The following BMAL2 variants were observed in gnomAD, a reference collection of about 807,000 sequenced individuals.
BMAL2 encodes the protein basic helix-loop-helix ARNT-like protein 2.
chr12:27,413,153 G>A, the BMAL2 span, among the ~76,000 whole-genome samples: 113 of 152,198 alleles, frequency 7.4e-4, no homozygotes, highest in African/African-American at 2.7e-3. Flanking sequence ...AATTCTTCAC[G>A]TTAAACTGAA....
chr12:27,346,347 G>A, the BMAL2 span, among the ~76,000 whole-genome samples: 14 of 152,148 alleles, frequency 9.2e-5, no homozygotes, highest in African/African-American at 3.4e-4. Flanking sequence ...TGCACCCTCT[G>A]CCTCCCAGGT....
the BMAL2 span, among the ~76,000 whole-genome samples, chr12:27,392,464 C>A: frequency 1.4e-5 from 2 of 147,616 alleles, no homozygotes; most frequent in Non-Finnish European, 3.0e-5. Context: ...ACCATAGCGA[C>A]CAGCTAGGAA....
At chr12:27,356,730 T>C in the BMAL2 span, among the ~76,000 whole-genome samples, 1 of 152,194 alleles carries the variant, frequency 6.6e-6, no homozygotes, top group Non-Finnish European at 1.5e-5. Flanking sequence ...TCATCCTCCT[T>C]TTTAAAAACT....
At chr12:27,390,157 A>T in the BMAL2 span, 2 of 1,613,996 alleles carry the variant, frequency 1.2e-6, no homozygotes, top group Non-Finnish European at 1.7e-6. Context: ...CTGGCTCAAG[A>T]CGATCTTTTT....
At chr12:27,377,269 G>A in the BMAL2 span, among the ~76,000 whole-genome samples, 1 of 152,338 alleles carries the variant, frequency 6.6e-6, no homozygotes, top group Non-Finnish European at 1.5e-5. Flanking sequence ...GGATAAATAT[G>A]CCTTTCCTTA....
the BMAL2 span, among the ~76,000 whole-genome samples, chr12:27,339,127 A>T: frequency 6.6e-6 from 1 of 152,116 alleles, no homozygotes; most frequent in Non-Finnish European, 1.5e-5. Context: ...CCACCTTCCA[A>T]TAGGCCTCAG....
the BMAL2 span, among the ~76,000 whole-genome samples, chr12:27,335,472 A>G: frequency 6.6e-6 from 1 of 152,174 alleles, no homozygotes; most frequent in Non-Finnish European, 1.5e-5. Context: ...TTACCAGCTC[A>G]TGTTTTCACC....
the BMAL2 span, among the ~76,000 whole-genome samples, chr12:27,417,535 C>T: frequency 2.0e-5 from 3 of 151,986 alleles, no homozygotes; most frequent in African/African-American, 7.3e-5. Flanking sequence ...CCCTTTAGGC[C>T]TCAGATTTAT....
At chr12:27,357,678 C>T in the BMAL2 span, among the ~76,000 whole-genome samples, 4,493 of 152,176 alleles carry the variant, frequency 0.03, 89 homozygotes, top group South Asian at 0.09. Flanking sequence ...GCACACAAAC[C>T]GAAGGAACAG....
chr12:27,420,248 A>G, the BMAL2 span: 1 of 913,050 alleles, frequency 1.1e-6, no homozygotes, highest in Admixed American at 2.4e-5. Flanking sequence ...AGCTTAAGAT[A>G]TATACTTTGC....
chr12:27,367,958 C>T, the BMAL2 span, among the ~76,000 whole-genome samples: 1 of 151,750 alleles, frequency 6.6e-6, no homozygotes. Flanking sequence ...AATTCTCCTG[C>T]CTCAGCCACC....
chr12:27,422,406 A>G, the BMAL2 span: 4 of 152,342 alleles, frequency 2.6e-5, no homozygotes, highest in Admixed American at 6.5e-5. Context: ...TAGGTGATAG[A>G]TTAGAACTTC....
the BMAL2 span, among the ~76,000 whole-genome samples, chr12:27,337,821 G>C: frequency 6.6e-6 from 1 of 152,214 alleles, no homozygotes; most frequent in Non-Finnish European, 1.5e-5. Flanking sequence ...AATTAAATGA[G>C]ATAATGATTA....
At chr12:27,412,639 A>G in the BMAL2 span, among the ~76,000 whole-genome samples, 2 of 152,212 alleles carry the variant, frequency 1.3e-5, no homozygotes, top group South Asian at 4.2e-4. Context: ...CAATGTACAC[A>G]TGTGTGTGTC....
chr12:27,393,835 C>T, the BMAL2 span, among the ~76,000 whole-genome samples: 2 of 152,054 alleles, frequency 1.3e-5, no homozygotes, highest in African/African-American at 4.8e-5. Context: ...CTAGAGGCAG[C>T]CAAGAAACAT....
At chr12:27,338,704 T>C in the BMAL2 span, among the ~76,000 whole-genome samples, 4 of 152,248 alleles carry the variant, frequency 2.6e-5, no homozygotes, top group African/African-American at 4.8e-5. Flanking sequence ...GTCTTACACA[T>C]AGGTGAGTTT....
the BMAL2 span, among the ~76,000 whole-genome samples, chr12:27,404,101 G>A: frequency 6.6e-6 from 1 of 151,098 alleles, no homozygotes; most frequent in East Asian, 1.9e-4. Context: ...GAGGGAGAGG[G>A]GCTGGTGGGG....
At chr12:27,385,596 G>A in the BMAL2 span, 7 of 1,388,902 alleles carry the variant, frequency 5.0e-6, no homozygotes, top group Admixed American at 1.2e-4. Context: ...TTGTGTATGT[G>A]CTTTCATTGC....
At chr12:27,390,081 C>T in the BMAL2 span, 3 of 1,612,038 alleles carry the variant, frequency 1.9e-6, no homozygotes. Flanking sequence ...TCTCTCGCCC[C>T]CTTCTGCACG....
Sources: gnomAD v4.1 joint callset for allele counts (sites outside exome capture counted in the v4.1 genomes callset) on GRCh38, gnomAD v4.1.1 for gene constraint, MANE v1.5 for transcripts, NCBI Gene and HGNC (gene_info 2026-07-23, HGNC 2026-07-21) for gene names.